Variants in PIK3C2G observed in about 807,000 individuals in gnomAD.
PIK3C2G encodes phosphatidylinositol-4-phosphate 3-kinase catalytic subunit type 2 gamma.
Under a neutral mutation model 181.1 loss-of-function variants are expected in PIK3C2G, and 168 were observed. The ratio of observed to expected loss-of-function variants is 0.93; its 90% CI spans 0.82 to 1.05. PIK3C2G has a LOEUF of 1.05. Ranked by LOEUF, PIK3C2G falls within the 50% of genes least tolerant of loss-of-function variation. PIK3C2G has a pLI of 0.00. For missense variants in PIK3C2G, 1,869 were observed against 1,732.8 expected, an observed-to-expected ratio of 1.08 and a Z score of -1.40; for synonymous variants, 573 against 592.2, an observed-to-expected ratio of 0.97 and a Z score of 0.47.
chr12:18,683,454 A>C, the PIK3C2G span: 1 of 1,427,056 alleles, frequency 7.0e-7, no homozygotes, highest in Non-Finnish European at 9.7e-7. Flanking sequence ...TTATATTCCC[A>C]TCTGGTATAT....
the PIK3C2G span, among the ~76,000 whole-genome samples, chr12:18,706,852 T>G: frequency 3.3e-5 from 5 of 152,214 alleles, no homozygotes; most frequent in Middle Eastern, 3.2e-3. Context: ...CAACAACATT[T>G]ATTCTCTCAC....
In PIK3C2G at chr12:18,293,989, A is replaced by G. The variant is rs1949825018; in HGVS notation, c.1008A>G (p.Val336=). 1 of 1,581,296 alleles carries G rather than the reference A, an allele frequency of 6.3e-7. No individual in the cohort carries two copies. The highest frequency in any genetic ancestry group is 1.3e-5 in the African/African-American group (1 of 74,322). Residue 336 remains valine, a synonymous_variant, in exon 5 of 33, where the codon GTA becomes GTG. Transcript: ENST00000538779. ...TCCCCAAAGATCATATTCTAAGTGT[A>G]TGTGGCTCTGAAGAATTTTTACAAA... The part of the protein sequence containing the change: ...QLLPKDHILS[V]CGSEEFLQND...
chr12:18,462,982 T>G (rs1232552426), intron 18 of PIK3C2G, among the ~76,000 whole-genome samples: 2 of 152,212 alleles, frequency 1.3e-5, no homozygotes, highest in Non-Finnish European at 2.9e-5. Context: ...CATAGCATCA[T>G]TCTTTGAAAA....
the PIK3C2G span, chr12:18,696,369 G>A: frequency 5.5e-6 from 1 of 182,384 alleles, no homozygotes; most frequent in Non-Finnish European, 8.2e-6. Flanking sequence ...TTCTATAATA[G>A]TTTCAACAAT....
At chr12:18,305,613 TTAAA>T (rs1383292367) in intron 5 of PIK3C2G, among the ~76,000 whole-genome samples, 4 of 132,508 alleles carry the variant, frequency 3.0e-5, no homozygotes, top group African/African-American at 7.7e-5. Flanking sequence ...TCCATTTTTC[TTAAA>T]TAAAGTGATT....
chr12:18,587,878 C>T (rs1946874444), intron 29 of PIK3C2G, among the ~76,000 whole-genome samples: 2 of 151,460 alleles, frequency 1.3e-5, no homozygotes, highest in Non-Finnish European at 2.9e-5. Flanking sequence ...GTAACTAAAA[C>T]AGCATGGTAC....
intron 3 of PIK3C2G, among the ~76,000 whole-genome samples, chr12:18,288,173 G>A (rs142438587): frequency 1.6e-4 from 24 of 152,086 alleles, no homozygotes; most frequent in Admixed American, 3.9e-4. Flanking sequence ...AAAAAAAAGA[G>A]AAGAAGATAA....
At chr12:18,565,336 G>A (rs1945571493) in intron 28 of PIK3C2G, among the ~76,000 whole-genome samples, 1 of 152,116 alleles carries the variant, frequency 6.6e-6, no homozygotes, top group South Asian at 2.1e-4. Flanking sequence ...ACTTCCAGGG[G>A]TACACGACAT....
chr12:18,530,937 T>C (rs1042606901), intron 24 of PIK3C2G, among the ~76,000 whole-genome samples: 2 of 152,282 alleles, frequency 1.3e-5, no homozygotes, highest in African/African-American at 4.8e-5. Flanking sequence ...TATTTCTTTA[T>C]AGCAGTGTGA....
chr12:18,384,779 G>C (rs1204168445), intron 14 of PIK3C2G, among the ~76,000 whole-genome samples: 1 of 152,162 alleles, frequency 6.6e-6, no homozygotes, highest in Non-Finnish European at 1.5e-5. Context: ...TTAGAAATAA[G>C]TGGAAGAGGG....
chr12:18,533,696 T>C (rs772349885), intron 24 of PIK3C2G, among the ~76,000 whole-genome samples: 1 of 152,112 alleles, frequency 6.6e-6, no homozygotes, highest in African/African-American at 2.4e-5. Flanking sequence ...AAATCTATTA[T>C]AGAAGCCCAG....
chr12:18,248,337 C>T (rs191909871), intron 1 of PIK3C2G, among the ~76,000 whole-genome samples: 2,585 of 152,146 alleles, frequency 0.017, 36 homozygotes, highest in Non-Finnish European at 0.024. Flanking sequence ...CTTTGGGAGG[C>T]CGAGGCGGGC....
At chr12:18,264,789 G>C (rs895826085) in intron 1 of PIK3C2G, among the ~76,000 whole-genome samples, 10 of 152,042 alleles carry the variant, frequency 6.6e-5, no homozygotes, top group African/African-American at 2.4e-4. Flanking sequence ...TCAACCTTTT[G>C]AGAAAACTCT....
chr12:18,579,082 C>T (rs1440934297), intron 29 of PIK3C2G, among the ~76,000 whole-genome samples: 2 of 152,004 alleles, frequency 1.3e-5, no homozygotes, highest in Admixed American at 6.6e-5. Flanking sequence ...AATATCATTA[C>T]ATAACTTGTA....
At chr12:18,552,416 G>A (rs1022504144) in intron 26 of PIK3C2G, among the ~76,000 whole-genome samples, 1 of 151,896 alleles carries the variant, frequency 6.6e-6, no homozygotes, top group Admixed American at 6.6e-5. Context: ...TTTTTTTACT[G>A]TGATGCGAAC....
chr12:18,694,795 G>A, the PIK3C2G span: 4 of 871,402 alleles, frequency 4.6e-6, no homozygotes, highest in East Asian at 2.7e-5. Flanking sequence ...TACCTGAAAA[G>A]ATTAACAGAA....
chr12:18,586,252 A>G (rs1275376148), intron 29 of PIK3C2G, among the ~76,000 whole-genome samples: 1 of 151,858 alleles, frequency 6.6e-6, no homozygotes, highest in East Asian at 1.9e-4. Flanking sequence ...AGATCAAGAC[A>G]CAAAAAACCT....
At chr12:18,280,573 G>A (rs1949168593) in intron 1 of PIK3C2G, among the ~76,000 whole-genome samples, 1 of 151,936 alleles carries the variant, frequency 6.6e-6, no homozygotes, top group Admixed American at 6.6e-5. Flanking sequence ...GAATGAAACT[G>A]AGTAGCATAA....
chr12:18,366,478 C>T (rs957814043), intron 12 of PIK3C2G, among the ~76,000 whole-genome samples: 6 of 152,034 alleles, frequency 3.9e-5, no homozygotes, highest in Middle Eastern at 3.4e-3. Context: ...TGCAATGAGC[C>T]GAGATTGCAC....
Sources: allele counts gnomAD v4.1 joint callset (sites outside exome capture counted in the v4.1 genomes callset), GRCh38; gene constraint gnomAD v4.1.1; transcripts MANE v1.5; gene names NCBI Gene and HGNC (gene_info 2026-07-23, HGNC 2026-07-21).